Variants in MR1 observed in about 807,000 individuals in gnomAD.
The protein encoded by MR1 is major histocompatibility complex, class I-related.
Under a neutral mutation model 37.8 loss-of-function variants are expected in MR1, and 44 were observed. The observed-to-expected ratio is 1.16, with a 90% confidence interval of 0.91 to 1.50. The LOEUF (loss-of-function observed/expected upper bound fraction) is 1.50, where lower values mean the gene tolerates loss of function less well. Among genes scored for constraint, MR1 ranks in the 40% most tolerant of loss-of-function variants. The pLI, the probability that MR1 is intolerant of heterozygous loss-of-function variation, is 0.00. For synonymous variants in MR1, 153 were observed against 155.8 expected (o/e 0.98, Z 0.13); for missense variants, 386 against 419.1 (o/e 0.92, Z 0.69).
intron 1 of MR1, among the ~76,000 whole-genome samples, chr1:181,047,045 A>G (rs1657922313): frequency 6.6e-6 from 1 of 152,162 alleles, no homozygotes; most frequent in Non-Finnish European, 1.5e-5. Context: ...AGTCAGTGAC[A>G]CCAAGAACCC....
chr1:181,041,449 A>G (rs1657549375), intron 1 of MR1, among the ~76,000 whole-genome samples: 1 of 152,238 alleles, frequency 6.6e-6, no homozygotes, highest in Non-Finnish European at 1.5e-5. Flanking sequence ...TAGCTCAGCA[A>G]CACAGCATCT....
chr1:181,055,952 A>G lies in MR1; in HGVS notation c.*687A>G, dbSNP rs1658592467. The G allele has an allele frequency of 6.6e-6, 1 of 152,260 alleles. No homozygotes were observed. The highest frequency in any genetic ancestry group is 1.5e-5 in the Non-Finnish European group (1 of 68,092). 9.4% of individuals were successfully genotyped at this position (152,260 alleles called of 1,614,324 possible). Reference sequence around the variant, plus strand: ...CTTGGTAATCTGCCCGGTTGGATCTATGGAGGTAGTCTCACCCTTTTTGTC... The same window carrying G: ...CTTGGTAATCTGCCCGGTTGGATCTGTGGAGGTAGTCTCACCCTTTTTGTC... On this transcript the variant is annotated 3_prime_UTR_variant, in exon 6 of 6. Transcript: ENST00000367580.
At chr1:181,048,790 C>A (rs1425877814) in intron 1 of MR1, among the ~76,000 whole-genome samples, 1 of 152,204 alleles carries the variant, frequency 6.6e-6, no homozygotes, top group Non-Finnish European at 1.5e-5. Flanking sequence ...ATTTTGTCTA[C>A]AAGTTGAGAT....
chr1:181,049,002 T>A, intron 1 of MR1, 50 bp from the exon 2 acceptor site: 1 of 1,583,186 alleles, frequency 6.3e-7, no homozygotes, highest in Non-Finnish European at 8.6e-7. Flanking sequence ...AGTTGAAGGA[T>A]CTGGATCATC....
At chr1:181,046,320 T>C (rs1248675584) in intron 1 of MR1, among the ~76,000 whole-genome samples, 1 of 152,218 alleles carries the variant, frequency 6.6e-6, no homozygotes, top group Non-Finnish European at 1.5e-5. Flanking sequence ...GGAGAACCTT[T>C]ATGTCTAGCT....
chr1:181,038,570 C>T (rs1416970782), intron 1 of MR1, among the ~76,000 whole-genome samples: 3 of 152,136 alleles, frequency 2.0e-5, no homozygotes, highest in African/African-American at 7.2e-5. Context: ...AGCCTGTGGC[C>T]CCAGGGACTG....
intron 1 of MR1, among the ~76,000 whole-genome samples, chr1:181,044,025 G>A (rs1022102426): frequency 3.6e-5 from 5 of 139,666 alleles, no homozygotes; most frequent in Middle Eastern, 4.4e-3. Context: ...GTGCAGTGGC[G>A]TGATCTTGGC....
Position 181,057,067 on chromosome 1 carries a change from C to T in MR1, c.*1802C>T. Reference sequence around the variant, plus strand: ...TCTATAAGGCAGAGGTGGCAGTGAGCCGAGATCACACCACTGCACTCCAGC... The same window carrying T: ...TCTATAAGGCAGAGGTGGCAGTGAGTCGAGATCACACCACTGCACTCCAGC... On this transcript the variant is annotated 3_prime_UTR_variant, in exon 6 of 6. Transcript: ENST00000367580. 1 of 152,342 alleles carries T rather than the reference C, an allele frequency of 6.6e-6. No homozygotes were observed. The highest frequency in any genetic ancestry group is 1.5e-5 in the Non-Finnish European group (1 of 68,150). The allele number at this position is 152,342 out of a possible 1,614,324, so 9.4% of individuals were successfully genotyped here.
intron 1 of MR1, among the ~76,000 whole-genome samples, chr1:181,039,865 CAAAAAAAAA>C (rs35762032): frequency 1.1e-5 from 1 of 89,784 alleles, no homozygotes; most frequent in Non-Finnish European, 2.4e-5. Context: ...GACTCCATCT[CAAAAAAAAA>C]AAAAAAAGAA....
chr1:181,051,898 C>T (rs1162331208), intron 3 of MR1, among the ~76,000 whole-genome samples: 1 of 152,200 alleles, frequency 6.6e-6, no homozygotes, highest in Non-Finnish European at 1.5e-5. Context: ...CAGTCACTTA[C>T]ACATTTTATG....
At position 181,049,075 on chromosome 1, in the gene MR1, C is replaced by T. The variant is rs373792469; in HGVS notation, c.91C>T (p.Arg31Cys). 1.2e-5 allele frequency: 20 copies of T among 1,613,880 alleles called. No individual in the cohort carries two copies. The highest frequency in any genetic ancestry group is 1.6e-4 in the Middle Eastern group (1 of 6,078). The stretch of plus-strand genomic sequence containing the variant: ...AGGGACGCACTCTCTGAGATATTTT[C>T]GCCTGGGCGTTTCGGATCCCATCCA... The part of the protein sequence containing the change: ...DSRTHSLRYF[R>C]LGVSDPIHGV... Residue 31 changes from arginine (R) to cysteine (C), a missense_variant, in exon 2 of 6, where the codon CGC (arginine) becomes TGC (cysteine). Transcript: ENST00000367580.
chr1:181,061,814 T>C lies in MR1; in HGVS notation c.*6549T>C, dbSNP rs1658910966. The C allele has an allele frequency of 6.6e-6, 1 of 152,182 alleles. No individual in the cohort carries two copies. The highest frequency in any genetic ancestry group is 1.5e-5 in the Non-Finnish European group (1 of 68,032). The allele number at this position is 152,182 out of a possible 1,614,324, so 9.4% of individuals were successfully genotyped here. A position where few individuals can be genotyped will look rare whatever the true frequency, so the allele number is the denominator to read the frequency against. ...CAGCTGAAGTCATAGAGGGGAAATA[T>C]CCCACTCAAGATCATATAACATTCC... On this transcript the variant is annotated 3_prime_UTR_variant, in exon 6 of 6. Transcript: ENST00000367580.
At chr1:181,047,104 T>C in intron 1 of MR1, among the ~76,000 whole-genome samples, 1 of 152,118 alleles carries the variant, frequency 6.6e-6, no homozygotes, top group East Asian at 1.9e-4. Flanking sequence ...GAAACCACTT[T>C]GTCTCCGTCA....
In MR1 at chr1:181,055,474, T is replaced by A. The variant is rs1225281165; in HGVS notation, c.*209T>A. On this transcript the variant is annotated 3_prime_UTR_variant, in exon 6 of 6. Transcript: ENST00000367580. Reference sequence around the variant, plus strand: ...AAAGACTGTCAGCTTTCAGTCTCTTTTGATGGACTGTTTTATCAGAGTTGA... The same window carrying A: ...AAAGACTGTCAGCTTTCAGTCTCTTATGATGGACTGTTTTATCAGAGTTGA... 3 of 570,100 alleles carry A rather than the reference T, an allele frequency of 5.3e-6. No individual in the cohort carries two copies. In the African/African-American group the frequency reaches 5.6e-5, roughly 11 times the overall value. The allele number at this position is 570,100 out of a possible 1,614,324, so 35.3% of individuals were successfully genotyped here.
At chr1:181,037,071 T>C (rs564531476) in intron 1 of MR1, 2 of 152,376 alleles carry the variant, frequency 1.3e-5, no homozygotes, top group African/African-American at 4.8e-5. Context: ...TTCTCATGCA[T>C]TGCCATATGT....
chr1:181,060,585 G>C lies in MR1; in HGVS notation c.*5320G>C, dbSNP rs1366311460. The C allele has an allele frequency of 6.6e-6, 1 of 152,232 alleles. No individual in the cohort carries two copies. The highest frequency in any genetic ancestry group is 1.5e-5 in the Non-Finnish European group (1 of 68,044). The allele number at this position is 152,232 out of a possible 1,614,324, so 9.4% of individuals were successfully genotyped here. A position where few individuals can be genotyped will look rare whatever the true frequency, so the allele number is the denominator to read the frequency against. On this transcript the variant is annotated 3_prime_UTR_variant, in exon 6 of 6. Coordinates refer to ENST00000367580, the MANE Select transcript of MR1 (RefSeq NM_001385161.1). ...CCAAAGGAATCTGTGGAATTTTGGA[G>C]AGTTTGGGAGCATTTGGGGGCAGGA...
upstream of MR1, chr1:181,033,938 T>C (rs1185714784): frequency 7.4e-7 from 1 of 1,342,330 alleles, no homozygotes; most frequent in East Asian, 2.4e-5. Flanking sequence ...GAAGGCCTTG[T>C]GTGTCACCAA....
chr1:181,034,994 C>T (rs1657196236), intron 1 of MR1, among the ~76,000 whole-genome samples: 1 of 152,026 alleles, frequency 6.6e-6, no homozygotes, highest in Admixed American at 6.6e-5. Flanking sequence ...TAAATTTATA[C>T]AAATAAAAAA....
intron 1 of MR1, among the ~76,000 whole-genome samples, chr1:181,046,980 G>A (rs768386559): frequency 2.6e-5 from 4 of 151,990 alleles, no homozygotes; most frequent in African/African-American, 7.3e-5. Flanking sequence ...AACTCCAGAC[G>A]CGCCACCTTA....
Sources: gnomAD v4.1 joint callset for allele counts (sites outside exome capture counted in the v4.1 genomes callset) on GRCh38, gnomAD v4.1.1 for gene constraint, MANE v1.5 for transcripts, NCBI Gene and HGNC (gene_info 2026-07-23, HGNC 2026-07-21) for gene names.